The following AKR1C4 variants were observed in gnomAD, a reference collection of about 807,000 sequenced individuals.
The protein encoded by AKR1C4 is 3-alpha-HSD1.
Under a neutral mutation model 41.0 loss-of-function variants are expected in AKR1C4, and 44 were observed. That is an observed-to-expected ratio of 1.07 (90% confidence interval 0.84 to 1.38). The LOEUF is 1.38. AKR1C4 is among the 40% of genes most tolerant of loss of function. The pLI is 0.00. For synonymous variants in AKR1C4, 165 were observed against 137.7 expected, an observed-to-expected ratio of 1.20 and a Z score of -1.39; for missense variants, 438 against 387.9, an observed-to-expected ratio of 1.13 and a Z score of -1.09.
chr10:5,208,908 CA>C lies in AKR1C4; in HGVS notation c.570+2521del, dbSNP rs35154936. ...AAAAGATGTATCATGAAAACAAAAA[CA>C]AAAAAAAAACATCCAATTGTGACTT... On this transcript the variant is annotated intron_variant, in intron 5 of 8. Transcript: ENST00000263126. 2.0e-3 allele frequency among the ~76,000 whole-genome samples: 291 copies of C among 147,852 alleles called. 17 individuals carry two copies. Among genetic ancestry groups the C allele is most frequent in the African/African-American group, 6.3e-3 (248 of 39,246 alleles).
chr10:5,215,534 C>T (rs1832643766), intron 7 of AKR1C4, among the ~76,000 whole-genome samples: 1 of 152,126 alleles, frequency 6.6e-6, no homozygotes, highest in African/African-American at 2.4e-5. Flanking sequence ...TCCTTTGCAC[C>T]CATACCTGAT....
At chr10:5,210,641 T>C (rs2132135320) in intron 5 of AKR1C4, among the ~76,000 whole-genome samples, 1 of 151,122 alleles carries the variant, frequency 6.6e-6, no homozygotes, top group South Asian at 2.1e-4. Flanking sequence ...AGTCTCACTC[T>C]GTCACCCAGG....
Position 5,205,796 on chromosome 10 carries a change from G to A in AKR1C4, c.409G>A (p.Val137Ile). 6.2e-7 allele frequency: 1 copy of A among 1,613,606 alleles called. No individual in the cohort carries two copies. Among genetic ancestry groups the A allele is most frequent in the South Asian group, 1.1e-5 (1 of 91,028 alleles). The change falls in exon 4 of 9, where the codon GTA (valine) becomes ATA (isoleucine). Residue 137 changes from valine to isoleucine, a missense_variant. Coordinates refer to ENST00000263126, the MANE Select transcript of AKR1C4 (RefSeq NM_001818.5). Reference protein sequence around the residue: ...TPLPKDENGKVIFDTVDLSAT... With the variant: ...TPLPKDENGKIIFDTVDLSAT... ...ACTACCAAAAGATGAAAATGGAAAA[G>A]TAATATTCGACACAGTGGATCTCTC...
intron 2 of AKR1C4, 81 bp from the exon 3 acceptor site, chr10:5,204,296 A>G: frequency 1.8e-6 from 2 of 1,109,878 alleles, no homozygotes; most frequent in Non-Finnish European, 2.7e-6. Flanking sequence ...ACGGTGAAAA[A>G]TGTCTAAATA....
intron 5 of AKR1C4, 43 bp from the exon 6 acceptor site, chr10:5,212,573 T>A: frequency 6.6e-7 from 1 of 1,508,864 alleles, no homozygotes; most frequent in South Asian, 1.2e-5. Flanking sequence ...TTAACATATC[T>A]GTTTTGAATT....
intron 7 of AKR1C4, among the ~76,000 whole-genome samples, chr10:5,215,934 A>T (rs1554798448): frequency 6.6e-6 from 1 of 152,186 alleles, no homozygotes; most frequent in Non-Finnish European, 1.5e-5. Flanking sequence ...CATTTTTAGC[A>T]ATGTCCCACT....
chr10:5,206,695 C>T (rs1832493439), intron 5 of AKR1C4, among the ~76,000 whole-genome samples: 1 of 122,830 alleles, frequency 8.1e-6, no homozygotes, highest in South Asian at 2.3e-4. Context: ...GGACTTATCT[C>T]TAAGGTATGA....
chr10:5,200,210 C>CA lies in AKR1C4; in HGVS notation c.117dup (p.Leu40IlefsTer11). 1 of 1,613,992 alleles carries CA rather than the reference C, an allele frequency of 6.2e-7. No homozygotes were observed. Among genetic ancestry groups the CA allele is most frequent in the Non-Finnish European group, 8.5e-7 (1 of 1,179,880 alleles). On this transcript the variant is annotated frameshift_variant, in exon 2 of 9. Transcript: ENST00000263126. LOFTEE classifies it high-confidence loss of function. ...CGAGGAACAGAGCTGTAGAGGTCAC[C>CA]AAATTAGCAATAGAAGCTGGCTTCC...
rs781801971 is a variant in AKR1C4, at chr10:5,205,799, A to G, written c.412A>G (p.Ile138Val). 2 of 1,613,666 alleles carry G rather than the reference A, an allele frequency of 1.2e-6. No homozygotes were observed. Among genetic ancestry groups the G allele is most frequent in the South Asian group, 1.1e-5 (1 of 91,034 alleles). Residue 138 changes from isoleucine to valine, a missense_variant, in exon 4 of 9, where the codon ATA (isoleucine) becomes GTA (valine). Coordinates refer to ENST00000263126, the MANE Select transcript of AKR1C4 (RefSeq NM_001818.5). ...PLPKDENGKV[I>V]FDTVDLSATW... ...ACCAAAAGATGAAAATGGAAAAGTA[A>G]TATTCGACACAGTGGATCTCTCTGC...
chr10:5,218,698 A>G lies in AKR1C4; in HGVS notation c.930-20A>G. On this transcript the variant is annotated intron_variant, in intron 8 of 8. Coordinates refer to ENST00000263126, the MANE Select transcript of AKR1C4 (RefSeq NM_001818.5). ...AGAGTCATTTCATCCATATTTATGT[A>G]CTATCCTTTCTCTTTTCAGTCTTAT... The G allele has an allele frequency of 6.4e-7, 1 of 1,563,518 alleles. No individual in the cohort carries two copies. The highest frequency in any genetic ancestry group is 1.1e-5 in the South Asian group (1 of 90,010).
rs782544054 is a variant in AKR1C4 at position 5,216,781 on chromosome 10, T to C, written c.917T>C (p.Val306Ala). Residue 306 changes from valine (V) to alanine (A), a missense_variant, in exon 8 of 9, where the codon GTT becomes GCT. Val to Ala is a moderately conservative substitution (Grantham distance 64, BLOSUM62 0). Transcript: ENST00000263126. ...LDGLNRNYRY[V>A]VMDFLMDHPD... ...GGTCTAAACAGAAATTATCGATATGTTGTCATGGATTTGTAAGTAACTTTG... is the reference window on the plus strand; with the variant it reads ...GGTCTAAACAGAAATTATCGATATGCTGTCATGGATTTGTAAGTAACTTTG... The C allele has an allele frequency of 8.7e-6, 14 of 1,607,816 alleles. No homozygotes were observed. In the East Asian group the frequency reaches 2.5e-4, roughly 28 times the overall value.
chr10:5,203,873 T>A (rs561682192), intron 2 of AKR1C4, among the ~76,000 whole-genome samples: 10 of 152,214 alleles, frequency 6.6e-5, no homozygotes, highest in Non-Finnish European at 1.3e-4. Context: ...CTTTCTTCAA[T>A]ATCTTATTCT....
chr10:5,205,978 G>A (rs1832478143), intron 4 of AKR1C4, 144 bp downstream of exon 4: 7 of 968,210 alleles, frequency 7.2e-6, no homozygotes, highest in Non-Finnish European at 3.1e-6. Flanking sequence ...TGAGTGGTAG[G>A]GAAGAATACA....
chr10:5,211,810 T>C (rs1196804313), intron 5 of AKR1C4, among the ~76,000 whole-genome samples: 1 of 152,188 alleles, frequency 6.6e-6, no homozygotes, highest in Non-Finnish European at 1.5e-5. Flanking sequence ...TTAATGGACT[T>C]ACAGCTTCAC....
At chr10:5,204,040 G>A (rs950834906) in intron 2 of AKR1C4, among the ~76,000 whole-genome samples, 24 of 152,292 alleles carry the variant, frequency 1.6e-4, no homozygotes, top group Middle Eastern at 3.4e-3. Context: ...TTTCTAAACA[G>A]GAATGCTTAT....
At chr10:5,217,683 C>T (rs782754169) in intron 8 of AKR1C4, among the ~76,000 whole-genome samples, 3 of 152,152 alleles carry the variant, frequency 2.0e-5, no homozygotes, top group African/African-American at 7.2e-5. Flanking sequence ...TCCCTTGAAC[C>T]CGGGAAGCAG....
chr10:5,205,993 T>A (rs1832478284), intron 4 of AKR1C4, among the ~76,000 whole-genome samples, 159 bp downstream of exon 4: 2 of 152,168 alleles, frequency 1.3e-5, no homozygotes, highest in Admixed American at 6.5e-5. Context: ...AATACATGAC[T>A]GAAATAGAAT....
intron 7 of AKR1C4, among the ~76,000 whole-genome samples, chr10:5,216,504 G>A (rs1180532238): frequency 6.6e-6 from 1 of 152,112 alleles, no homozygotes; most frequent in Admixed American, 6.5e-5. Flanking sequence ...GTTTTGTGCA[G>A]TTTCAATATG....
At chr10:5,205,877 G>A (rs1320424992) in intron 4 of AKR1C4, 43 bp downstream of exon 4, 3 of 1,557,580 alleles carry the variant, frequency 1.9e-6, no homozygotes, top group African/African-American at 2.7e-5. Context: ...AAGACAAGAA[G>A]AGGTAAACCT....
Sources: gnomAD v4.1 joint callset for allele counts (sites outside exome capture counted in the v4.1 genomes callset) on GRCh38, gnomAD v4.1.1 for gene constraint, MANE v1.5 for transcripts, NCBI Gene and HGNC (gene_info 2026-07-23, HGNC 2026-07-21) for gene names.